The following TTC12 variants were observed in gnomAD, a reference collection of about 807,000 sequenced individuals.
TTC12 encodes tetratricopeptide repeat domain 12.
A neutral mutation model predicts 90.1 loss-of-function variants in TTC12; 70 were observed. That is an observed-to-expected ratio of 0.78 (90% CI 0.64 to 0.95). TTC12 has a LOEUF of 0.95. Ranked by LOEUF, TTC12 falls within the 40% of genes least tolerant of loss-of-function variation. The pLI is 0.00. For synonymous variants in TTC12, 296 were observed against 311.5 expected (o/e 0.95, Z 0.53); for missense variants, 819 against 846.1 (o/e 0.97, Z 0.40).
At chr11:113,364,766 A>G in intron 20 of TTC12, 69 bp from the exon 21 acceptor site, 4 of 1,327,668 alleles carry the variant, frequency 3.0e-6, no homozygotes, top group Non-Finnish European at 3.2e-6. Flanking sequence ...TGCACCCCTC[A>G]TGTCCTGTTG....
At chr11:113,315,512 A>G (rs1946879010) in intron 1 of TTC12, among the ~76,000 whole-genome samples, 1 of 152,214 alleles carries the variant, frequency 6.6e-6, no homozygotes. Context: ...TGTCTGGGCA[A>G]TGTCCCGGGT....
chr11:113,365,057 C>T lies in TTC12; in HGVS notation c.2039C>T (p.Pro680Leu), dbSNP rs1208613529. ...CTGGGGAAGCTGTGCACAGCTGAGC[C>T]CAGGTATGCTGTGGACACGGAGCCA... ...IALGKLCTAE[P>L]RFAAQLRKLH... Residue 680 changes from proline to leucine, a missense_variant, in exon 21 of 22, where the codon CCC becomes CTC. Physicochemically the swap from Pro to Leu is moderately conservative, Grantham distance 98. Coordinates refer to ENST00000529221, the MANE Select transcript of TTC12 (RefSeq NM_017868.4). 6.2e-7 allele frequency: 1 copy of T among 1,613,316 alleles called. No homozygotes were observed. Among genetic ancestry groups the T allele is most frequent in the Non-Finnish European group, 8.5e-7 (1 of 1,179,486 alleles).
At chr11:113,330,990 C>G (rs1205662424) in intron 7 of TTC12, among the ~76,000 whole-genome samples, 1 of 152,130 alleles carries the variant, frequency 6.6e-6, no homozygotes, top group Non-Finnish European at 1.5e-5. Flanking sequence ...GAGGACACTT[C>G]CCTAGCAGCA....
intron 2 of TTC12, among the ~76,000 whole-genome samples, chr11:113,317,545 A>G (rs1555136243): frequency 6.6e-6 from 1 of 152,068 alleles, no homozygotes; most frequent in Non-Finnish European, 1.5e-5. Context: ...TCCTGTCTCC[A>G]GGCTTATACT....
rs1555154090 is a variant in TTC12 at position 113,359,927 on chromosome 11, C to T, written c.1546-13C>T. ...AATTAAAATCTCCTGCTGGCCTCTC[C>T]CCATTGTTGTAGGTTTGGGCTGTGG... On this transcript the variant is annotated splice_polypyrimidine_tract_variant and intron_variant, in intron 17 of 21. Transcript: ENST00000529221. 1 of 1,586,054 alleles carries T rather than the reference C, an allele frequency of 6.3e-7. No homozygotes were observed. Among genetic ancestry groups the T allele is most frequent in the Admixed American group, 1.8e-5 (1 of 55,264 alleles).
intron 16 of TTC12, among the ~76,000 whole-genome samples, chr11:113,355,112 T>A (rs1471135852): frequency 6.6e-6 from 1 of 152,208 alleles, no homozygotes; most frequent in Non-Finnish European, 1.5e-5. Context: ...TGGTAGGCTC[T>A]TTATTACTGA....
chr11:113,354,393 C>G (rs566624006), intron 16 of TTC12, among the ~76,000 whole-genome samples: 1 of 152,296 alleles, frequency 6.6e-6, no homozygotes, highest in South Asian at 2.1e-4. Context: ...GATACAGGAT[C>G]ATGTCGTCTA....
Position 113,324,162 on chromosome 11 carries a change from A to G in TTC12, c.244+147A>G, listed in dbSNP as rs45519937. 19,011 of 631,374 alleles carry G rather than the reference A, an allele frequency of 0.03. 399 individuals carry two copies. Among genetic ancestry groups the G allele is most frequent in the Non-Finnish European group, 0.037 (13,560 of 362,842 alleles). 39.1% of individuals were successfully genotyped at this position (631,374 alleles called of 1,614,324 possible). A position where few individuals can be genotyped will look rare whatever the true frequency, so the allele number is the denominator to read the frequency against. On this transcript the variant is annotated intron_variant, in intron 4 of 21. Transcript: ENST00000529221. ...CTACTGATCATCCCATTCTGTTACTAGTGATCAGCGGGAATGTCCCTGAGA... is the reference window on the plus strand; with the variant it reads ...CTACTGATCATCCCATTCTGTTACTGGTGATCAGCGGGAATGTCCCTGAGA...
intron 13 of TTC12, among the ~76,000 whole-genome samples, chr11:113,349,762 C>T (rs1023646316): frequency 2.6e-5 from 4 of 152,184 alleles, no homozygotes; most frequent in African/African-American, 9.7e-5. Flanking sequence ...AGTTAATGAA[C>T]CTGACTGAGC....
At chr11:113,331,680 C>A (rs1485849496) in intron 7 of TTC12, among the ~76,000 whole-genome samples, 2 of 152,226 alleles carry the variant, frequency 1.3e-5, no homozygotes, top group African/African-American at 4.8e-5. Context: ...AAGGGGCAGA[C>A]ATACCATCAT....
chr11:113,343,385 G>A (rs542308741), intron 12 of TTC12, among the ~76,000 whole-genome samples: 1 of 152,268 alleles, frequency 6.6e-6, no homozygotes, highest in Non-Finnish European at 1.5e-5. Flanking sequence ...CCTATCTTAC[G>A]TGGACAAGAG....
At chr11:113,341,543 G>A in intron 11 of TTC12, 1 of 404,754 alleles carries the variant, frequency 2.5e-6, no homozygotes, top group Non-Finnish European at 4.6e-6. Context: ...GTGGGTTGGA[G>A]TCACCAGTAC....
chr11:113,326,823 G>T (rs1565578322), intron 6 of TTC12, among the ~76,000 whole-genome samples: 1 of 152,162 alleles, frequency 6.6e-6, no homozygotes, highest in Non-Finnish European at 1.5e-5. Context: ...GGCAAAAACT[G>T]CCATATACTT....
chr11:113,328,917 G>A (rs1466019403), intron 6 of TTC12, among the ~76,000 whole-genome samples: 10 of 151,982 alleles, frequency 6.6e-5, no homozygotes, highest in South Asian at 2.1e-4. Context: ...TTCATTTATC[G>A]TAATGCTTTT....
chr11:113,335,640 T>A (rs1406769690), intron 8 of TTC12, among the ~76,000 whole-genome samples: 1 of 152,174 alleles, frequency 6.6e-6, no homozygotes, highest in African/African-American at 2.4e-5. Flanking sequence ...TCTCTATACA[T>A]TTGCCCGTTC....
At chr11:113,366,541 G>A, downstream of TTC12, 1 of 627,238 alleles carries the variant, frequency 1.6e-6, no homozygotes, top group Non-Finnish European at 2.5e-6. Flanking sequence ...TTCCTGTTCT[G>A]TAGAAGCTAG....
chr11:113,329,736 CT>C (rs112344617), intron 6 of TTC12, 183 bp from the exon 7 acceptor site: 20 of 664,984 alleles, frequency 3.0e-5, no homozygotes, highest in African/African-American at 2.3e-4. Context: ...GAAGAGGTCC[CT>C]GTATTCAACT....
intron 2 of TTC12, 100 bp from the exon 3 acceptor site, chr11:113,323,188 C>A (rs1947455395): frequency 7.9e-6 from 6 of 762,820 alleles, no homozygotes; most frequent in African/African-American, 2.1e-5. Context: ...CTATTTTTTT[C>A]TTTAAGATCT....
intron 6 of TTC12, among the ~76,000 whole-genome samples, chr11:113,329,108 G>C (rs1350453038): frequency 6.6e-6 from 1 of 152,132 alleles, no homozygotes; most frequent in Non-Finnish European, 1.5e-5. Context: ...GTAAGCATTT[G>C]TATGGATGTA....
Sources: gnomAD v4.1 joint callset for allele counts (sites outside exome capture counted in the v4.1 genomes callset) on GRCh38, gnomAD v4.1.1 for gene constraint, MANE v1.5 for transcripts, NCBI Gene and HGNC (gene_info 2026-07-23, HGNC 2026-07-21) for gene names.